The following SLC38A8 variants were observed in gnomAD, a reference collection of about 807,000 sequenced individuals.
The protein encoded by SLC38A8 is amino acid transporter SLC38A8.
In SLC38A8, 65 loss-of-function variants were observed where a neutral mutation model predicts 46.0. That is an observed-to-expected ratio of 1.41 (90% confidence interval 1.16 to 1.74). The LOEUF (loss-of-function observed/expected upper bound fraction) is 1.74, where lower values mean the gene tolerates loss of function less well. Among genes scored for constraint, SLC38A8 ranks in the 40% most tolerant of loss-of-function variants. The probability of loss-of-function intolerance (pLI) is 0.00; values close to 1 mark genes in which losing one functional copy is unlikely to be tolerated. For missense variants in SLC38A8, 998 were observed against 567.9 expected (o/e 1.76, Z -7.70); for synonymous variants, 447 against 243.7 (o/e 1.83, Z -7.77).
Position 84,019,524 on chromosome 16 carries a change from A to T in SLC38A8, c.806-2237T>A, listed in dbSNP as rs2085071333. Among the ~76,000 whole-genome samples the T allele has an allele frequency of 2.0e-5, 3 of 152,234 alleles. No individual in the cohort carries two copies. In the South Asian group the frequency reaches 6.2e-4, roughly 32 times the overall value. ...AAAGGCCCCACCTCTCGATACTGCC[A>T]TACTGGCAATTTAATTTCAACAAGA... On this transcript the variant is annotated intron_variant, in intron 7 of 10. Coordinates refer to ENST00000299709, the MANE Select transcript of SLC38A8 (RefSeq NM_001080442.3).
Position 84,029,518 on chromosome 16 carries a change from G to T in SLC38A8, c.666C>A (p.Phe222Leu). Residue 222 changes from phenylalanine to leucine, a missense_variant, in exon 6 of 11, where the codon TTC (phenylalanine) becomes TTA (leucine). Coordinates refer to ENST00000299709, the MANE Select transcript of SLC38A8 (RefSeq NM_001080442.3). ...CCTGAAACCCGAAGCAGATGGTGGG[G>T]AAGACACTGAACACAGAGGTCCAGG... Reference protein sequence around the residue: ...PASWTSVFSVFPTICFGFQCH... With the variant: ...PASWTSVFSVLPTICFGFQCH... 6.2e-7 allele frequency: 1 copy of T among 1,614,136 alleles called. No homozygotes were observed. Among genetic ancestry groups the T allele is most frequent in the Non-Finnish European group, 8.5e-7 (1 of 1,180,000 alleles).
chr16:84,022,356 C>T (rs1370797730), intron 7 of SLC38A8, among the ~76,000 whole-genome samples: 2 of 152,234 alleles, frequency 1.3e-5, no homozygotes, highest in East Asian at 1.9e-4. Flanking sequence ...GACCCTCTGC[C>T]TCCCACACAC....
At chr16:84,038,851 T>A (rs532658711) in intron 2 of SLC38A8, among the ~76,000 whole-genome samples, 28 of 152,278 alleles carry the variant, frequency 1.8e-4, no homozygotes, top group African/African-American at 6.5e-4. Flanking sequence ...CTTGCTTCTG[T>A]TTTTGCTAAA....
At chr16:84,038,623 G>C (rs187481849) in intron 2 of SLC38A8, among the ~76,000 whole-genome samples, 5 of 152,308 alleles carry the variant, frequency 3.3e-5, no homozygotes, top group African/African-American at 9.6e-5. Context: ...AAAGTCTTAA[G>C]TGTATTGCTG....
At chr16:84,021,556 G>A (rs775611697) in intron 7 of SLC38A8, among the ~76,000 whole-genome samples, 9 of 152,166 alleles carry the variant, frequency 5.9e-5, no homozygotes, top group Non-Finnish European at 8.8e-5. Context: ...GAGTATCTAA[G>A]AAGTTCCAAA....
chr16:84,026,262 C>T (rs1332541572), intron 6 of SLC38A8, among the ~76,000 whole-genome samples: 1 of 152,200 alleles, frequency 6.6e-6, no homozygotes, highest in East Asian at 1.9e-4. Flanking sequence ...CAGAGTCTCG[C>T]TCCATCGCCC....
chr16:84,027,239 A>C (rs1216296086), intron 6 of SLC38A8, among the ~76,000 whole-genome samples: 1 of 152,116 alleles, frequency 6.6e-6, no homozygotes, highest in Non-Finnish European at 1.5e-5. Context: ...AATCCCAGCT[A>C]CTCAAGAGGC....
At chr16:84,042,448 A>C in intron 1 of SLC38A8, 103 bp downstream of exon 1, 11 of 272,634 alleles carry the variant, frequency 4.0e-5, no homozygotes, top group East Asian at 7.3e-5. Context: ...CAAACCCCCA[A>C]CCTTCCTCAT....
At chr16:84,017,771 G>A (rs1333993286) in intron 7 of SLC38A8, among the ~76,000 whole-genome samples, 1 of 152,154 alleles carries the variant, frequency 6.6e-6, no homozygotes, top group African/African-American at 2.4e-5. Context: ...GCGCCAACAG[G>A]GTGACACTGC....
At chr16:84,017,362 A>G in intron 7 of SLC38A8, 75 bp from the exon 8 acceptor site, 2 of 1,555,100 alleles carry the variant, frequency 1.3e-6, no homozygotes, top group Non-Finnish European at 1.7e-6. Context: ...ACAGACAGAC[A>G]GCGCCTGGCT....
intron 10 of SLC38A8, 86 bp from the exon 11 acceptor site, chr16:84,009,963 G>T: frequency 9.0e-7 from 1 of 1,108,612 alleles, no homozygotes; most frequent in Non-Finnish European, 1.3e-6. Flanking sequence ...ACTATGTAGA[G>T]CCCAGTATGG....
At chr16:84,014,577 G>C (rs112495879) in intron 9 of SLC38A8, among the ~76,000 whole-genome samples, 31 of 151,976 alleles carry the variant, frequency 2.0e-4, no homozygotes, top group African/African-American at 7.2e-4. Context: ...CAGAACCTGA[G>C]GGAGGAGCCA....
chr16:84,027,112 G>A (rs544768378), intron 6 of SLC38A8, among the ~76,000 whole-genome samples: 1 of 152,312 alleles, frequency 6.6e-6, no homozygotes, highest in South Asian at 2.1e-4. Flanking sequence ...AGCACTTTGG[G>A]AGGCTGAGGT....
intron 10 of SLC38A8, among the ~76,000 whole-genome samples, chr16:84,011,616 G>C (rs1274694474): frequency 1.3e-5 from 2 of 152,346 alleles, no homozygotes; most frequent in Middle Eastern, 3.4e-3. Flanking sequence ...ACCTGTGCTT[G>C]CCAGCTTATC....
chr16:84,036,885 G>T lies in SLC38A8; in HGVS notation c.205C>A (p.Leu69Met). 6.2e-7 allele frequency: 1 copy of T among 1,612,352 alleles called. No homozygotes were observed. Among genetic ancestry groups the T allele is most frequent in the Non-Finnish European group, 8.5e-7 (1 of 1,179,850 alleles). ...FLVELVSLVF[L>M]ISGLVILGYA... is the part of the protein sequence containing the mutation. ...CCCAGGATGACCAGCCCGCTGATCA[G>T]GAAGACCAACGAGACCTGCGGAGAA... The change falls in exon 3 of 11, where the codon CTG becomes ATG. Residue 69 changes from leucine to methionine, a missense_variant. Coordinates refer to ENST00000299709, the MANE Select transcript of SLC38A8 (RefSeq NM_001080442.3).
chr16:84,026,146 CAGTT>C (rs371338519), intron 6 of SLC38A8, among the ~76,000 whole-genome samples: 89 of 152,370 alleles, frequency 5.8e-4, no homozygotes, highest in South Asian at 1.7e-3. Context: ...AGGGAAAAGA[CAGTT>C]AGTAGTGCCA....
At chr16:84,023,754 C>G (rs2087049382) in intron 6 of SLC38A8, among the ~76,000 whole-genome samples, 1 of 152,140 alleles carries the variant, frequency 6.6e-6, no homozygotes, top group African/African-American at 2.4e-5. Flanking sequence ...ATTAGCCGGG[C>G]ATGGTAATGA....
At chr16:84,038,201 C>G (rs958381977) in intron 2 of SLC38A8, among the ~76,000 whole-genome samples, 4 of 151,970 alleles carry the variant, frequency 2.6e-5, no homozygotes, top group African/African-American at 9.7e-5. Flanking sequence ...ATTCCAGCTA[C>G]TTGGGAGGCT....
intron 7 of SLC38A8, among the ~76,000 whole-genome samples, chr16:84,019,608 A>T (rs1297659593): frequency 6.6e-6 from 1 of 152,182 alleles, no homozygotes; most frequent in African/African-American, 2.4e-5. Flanking sequence ...CCCAAAACTC[A>T]TATCCTCCTC....
Sources: gnomAD v4.1 joint callset for allele counts (sites outside exome capture counted in the v4.1 genomes callset) on GRCh38, gnomAD v4.1.1 for gene constraint, MANE v1.5 for transcripts, NCBI Gene and HGNC (gene_info 2026-07-23, HGNC 2026-07-21) for gene names.